The following SV2C variants were observed in gnomAD, a reference collection of about 807,000 sequenced individuals.
SV2C encodes the protein synaptic vesicle glycoprotein 2C.
SV2C carries 49 observed loss-of-function variants against 79.7 expected under a neutral mutation model. The ratio of observed to expected loss-of-function variants is 0.61; its 90% CI spans 0.49 to 0.78. SV2C has a LOEUF of 0.78. SV2C is among the 30% of genes least tolerant of loss of function. SV2C has a pLI of 0.00. For missense variants in SV2C, 833 were observed against 912.9 expected, an observed-to-expected ratio of 0.91 and a Z score of 1.13; for synonymous variants, 334 against 333.2, an observed-to-expected ratio of 1.00 and a Z score of -0.03.
chr5:76,122,515 A>G (rs1016031170), intron 1 of SV2C, among the ~76,000 whole-genome samples: 2 of 152,154 alleles, frequency 1.3e-5, no homozygotes, highest in Non-Finnish European at 2.9e-5. Flanking sequence ...GTTTGTCATA[A>G]ATAGCTCTTA....
At chr5:76,081,680 C>T (rs571409208), upstream of SV2C, among the ~76,000 whole-genome samples, 1 of 152,308 alleles carries the variant, frequency 6.6e-6, no homozygotes, top group Admixed American at 6.5e-5. Context: ...GACAGACCAG[C>T]AAGGAAGTGT....
At chr5:76,225,174 G>T (rs1745200106) in intron 4 of SV2C, among the ~76,000 whole-genome samples, 1 of 152,214 alleles carries the variant, frequency 6.6e-6, no homozygotes, top group South Asian at 2.1e-4. Context: ...GATGTTGAAA[G>T]CTTGACAGGG....
the SV2C span, among the ~76,000 whole-genome samples, chr5:76,003,162 T>C: frequency 6.6e-6 from 1 of 152,164 alleles, no homozygotes; most frequent in South Asian, 2.1e-4. Context: ...TCTGCCATTA[T>C]TGTAGGTTTT....
the SV2C span, among the ~76,000 whole-genome samples, chr5:75,882,980 A>C: frequency 0.019 from 2,862 of 149,872 alleles, 76 homozygotes; most frequent in African/African-American, 0.063. Context: ...CAATGAACTC[A>C]AACAAATTTA....
the SV2C span, among the ~76,000 whole-genome samples, chr5:75,977,259 T>C: frequency 1.3e-5 from 2 of 152,088 alleles, no homozygotes; most frequent in African/African-American, 4.8e-5. Flanking sequence ...GGGCCAGTTC[T>C]CAAAAAAACA....
At chr5:75,906,098 G>A in the SV2C span, among the ~76,000 whole-genome samples, 1 of 151,856 alleles carries the variant, frequency 6.6e-6, no homozygotes, top group Non-Finnish European at 1.5e-5. Context: ...ACTACCAGAA[G>A]CTAGGAAAGG....
the SV2C span, among the ~76,000 whole-genome samples, chr5:76,070,423 T>C: frequency 6.6e-6 from 1 of 152,152 alleles, no homozygotes; most frequent in African/African-American, 2.4e-5. Context: ...AGGAAGAAGA[T>C]AGCAATTTTC....
intron 2 of SV2C, among the ~76,000 whole-genome samples, chr5:76,141,522 A>G (rs2112208709): frequency 6.6e-6 from 1 of 152,216 alleles, no homozygotes; most frequent in East Asian, 1.9e-4. Flanking sequence ...TGTGGACTTC[A>G]CTTTAAATAA....
At chr5:76,051,955 A>T in the SV2C span, among the ~76,000 whole-genome samples, 5 of 152,158 alleles carry the variant, frequency 3.3e-5, no homozygotes, top group Non-Finnish European at 7.3e-5. Flanking sequence ...GTAATAGATC[A>T]ATTTTATTGT....
the SV2C span, among the ~76,000 whole-genome samples, chr5:76,048,552 A>G: frequency 6.6e-6 from 1 of 152,144 alleles, no homozygotes; most frequent in Admixed American, 6.6e-5. Flanking sequence ...TGACACAAAA[A>G]ATCAATTATC....
At chr5:76,295,037 A>C (rs1007052874) in intron 8 of SV2C, among the ~76,000 whole-genome samples, 1 of 152,354 alleles carries the variant, frequency 6.6e-6, no homozygotes, top group Middle Eastern at 3.4e-3. Context: ...AGAGTTTCTC[A>C]GAGCAGACTG....
At chr5:76,276,223 C>A (rs1036312851) in intron 4 of SV2C, among the ~76,000 whole-genome samples, 7 of 152,176 alleles carry the variant, frequency 4.6e-5, no homozygotes, top group African/African-American at 1.4e-4. Context: ...TGTTTTACAC[C>A]TTCGTTCTTA....
At chr5:75,862,190 C>G in the SV2C span, among the ~76,000 whole-genome samples, 2 of 152,216 alleles carry the variant, frequency 1.3e-5, no homozygotes, top group Admixed American at 6.5e-5. Context: ...CTTCCTCTGA[C>G]AAGGAACTTA....
chr5:76,150,338 C>T (rs945920219), intron 2 of SV2C, among the ~76,000 whole-genome samples: 19 of 152,034 alleles, frequency 1.2e-4, no homozygotes, highest in African/African-American at 4.1e-4. Context: ...CCACCACGCC[C>T]AGCTAATTTT....
At chr5:76,191,094 AG>A (rs1561257270) in intron 2 of SV2C, among the ~76,000 whole-genome samples, 5 of 148,580 alleles carry the variant, frequency 3.4e-5, no homozygotes, top group South Asian at 2.1e-4. Flanking sequence ...GTGGCTGGGG[AG>A]GCCTCAGGAA....
intron 4 of SV2C, among the ~76,000 whole-genome samples, chr5:76,231,839 G>A (rs1239329269): frequency 4.8e-5 from 7 of 146,234 alleles, no homozygotes; most frequent in East Asian, 1.9e-4. Context: ...GTCTATCACT[G>A]TTGGACATTT....
the SV2C span, among the ~76,000 whole-genome samples, chr5:75,903,803 G>C: frequency 6.6e-6 from 1 of 152,122 alleles, no homozygotes; most frequent in Non-Finnish European, 1.5e-5. Context: ...CTCTCTTCTT[G>C]TGTGGAAGTT....
intron 12 of SV2C, among the ~76,000 whole-genome samples, chr5:76,307,902 G>C (rs966270498): frequency 6.6e-6 from 1 of 151,420 alleles, no homozygotes; most frequent in African/African-American, 2.4e-5. Context: ...TTCCATTTTT[G>C]CCGTGATGCT....
chr5:76,083,201 G>A (rs1000945260), upstream of SV2C: 2 of 152,362 alleles, frequency 1.3e-5, no homozygotes, highest in African/African-American at 2.4e-5. Context: ...AGTGGCGCGC[G>A]GGTCCCGCCT....
Sources: allele counts gnomAD v4.1 joint callset (sites outside exome capture counted in the v4.1 genomes callset), GRCh38; gene constraint gnomAD v4.1.1; transcripts MANE v1.5; gene names NCBI Gene and HGNC (gene_info 2026-07-23, HGNC 2026-07-21).